The following CAMK1D variants were observed in gnomAD, a reference collection of about 807,000 sequenced individuals.
CAMK1D encodes the protein calcium/calmodulin-dependent protein kinase type 1D.
Under a neutral mutation model 47.7 loss-of-function variants are expected in CAMK1D, and 9 were observed. The observed-to-expected ratio is 0.19, with a 90% CI of 0.11 to 0.33. The LOEUF (loss-of-function observed/expected upper bound fraction) is 0.33. CAMK1D is among the 10% of genes least tolerant of loss of function. The pLI, the probability that CAMK1D is intolerant of heterozygous loss-of-function variation, is 1.00. For synonymous variants in CAMK1D, 184 were observed against 184.9 expected, an observed-to-expected ratio of 0.99 and a Z score of 0.04; for missense variants, 291 against 488.7, an observed-to-expected ratio of 0.60 and a Z score of 3.81.
chr10:12,402,232 G>A (rs1382933675), intron 1 of CAMK1D, among the ~76,000 whole-genome samples: 3 of 151,316 alleles, frequency 2.0e-5, no homozygotes, highest in East Asian at 2.0e-4. Flanking sequence ...ACGAGCCACC[G>A]CGCCTGACTG....
chr10:12,516,839 T>C (rs1304804995), intron 1 of CAMK1D, among the ~76,000 whole-genome samples: 2 of 152,260 alleles, frequency 1.3e-5, no homozygotes, highest in African/African-American at 4.8e-5. Context: ...CCACGTTGTT[T>C]TTCTTGTGGA....
At chr10:12,741,313 G>T (rs1420940121) in intron 3 of CAMK1D, among the ~76,000 whole-genome samples, 1 of 152,130 alleles carries the variant, frequency 6.6e-6, no homozygotes, top group African/African-American at 2.4e-5. Flanking sequence ...GTTACGAACC[G>T]CCGGGTTAGA....
Position 12,520,039 on chromosome 10 carries a change from C to G in CAMK1D, c.93-33186C>G, listed in dbSNP as rs571603079. On this transcript the variant is annotated intron_variant, in intron 1 of 10. Coordinates refer to ENST00000619168, the MANE Select transcript of CAMK1D (RefSeq NM_153498.4). Reference sequence around the variant, plus strand: ...CCGGGCAGAGGAGCCCCTCACCTCCCGGACGGGGCGGCTGGCCGGGTGGGG... The same window carrying G: ...CCGGGCAGAGGAGCCCCTCACCTCCGGGACGGGGCGGCTGGCCGGGTGGGG... Among the ~76,000 whole-genome samples the G allele has an allele frequency of 1.2e-3, 91 of 77,604 alleles. 11 individuals are homozygous for G. Among genetic ancestry groups the G allele is most frequent in the Non-Finnish European group, 2.3e-3 (85 of 37,130 alleles). 50.9% of individuals were successfully genotyped at this position (77,604 alleles called of 152,430 possible). A position where few individuals can be genotyped will look rare whatever the true frequency, so the allele number is the denominator to read the frequency against.
chr10:12,597,972 A>T (rs1045400260), intron 2 of CAMK1D, among the ~76,000 whole-genome samples: 1 of 151,726 alleles, frequency 6.6e-6, no homozygotes. Context: ...CCTGTGCTTG[A>T]TAAGGAAAAA....
At chr10:12,698,030 T>C (rs1833365349) in intron 3 of CAMK1D, among the ~76,000 whole-genome samples, 1 of 152,202 alleles carries the variant, frequency 6.6e-6, no homozygotes, top group Admixed American at 6.5e-5. Context: ...GGCCTTGGAA[T>C]GGCTGCCATT....
At chr10:12,760,800 T>C in intron 3 of CAMK1D, 148 bp from the exon 4 acceptor site, 1 of 796,466 alleles carries the variant, frequency 1.3e-6, no homozygotes, top group Non-Finnish European at 2.0e-6. Flanking sequence ...ATTTCCTGGC[T>C]ATAGCCTCTG....
intron 1 of CAMK1D, among the ~76,000 whole-genome samples, chr10:12,523,109 G>A (rs985867250): frequency 2.6e-5 from 4 of 151,408 alleles, no homozygotes; most frequent in South Asian, 2.1e-4. Context: ...CTTCTCAGAC[G>A]GGGCGGCTGG....
At chr10:12,570,051 G>A (rs1837274001) in intron 2 of CAMK1D, among the ~76,000 whole-genome samples, 3 of 151,786 alleles carry the variant, frequency 2.0e-5, no homozygotes, top group Admixed American at 2.0e-4. Flanking sequence ...AATACAAAAA[G>A]TAGCTGGATG....
chr10:12,664,567 A>AG (rs1209737055), intron 2 of CAMK1D, among the ~76,000 whole-genome samples: 1 of 152,238 alleles, frequency 6.6e-6, no homozygotes, highest in Non-Finnish European at 1.5e-5. Context: ...TCTGGGGCTC[A>AG]GACAGCCTTC....
intron 3 of CAMK1D, among the ~76,000 whole-genome samples, chr10:12,693,091 T>C (rs957038054): frequency 6.6e-6 from 1 of 152,122 alleles, no homozygotes; most frequent in African/African-American, 2.4e-5. Context: ...TAGCTGGGCT[T>C]GGTGGCTCAC....
intron 2 of CAMK1D, among the ~76,000 whole-genome samples, chr10:12,615,231 T>G (rs1838746498): frequency 6.6e-6 from 1 of 152,178 alleles, no homozygotes; most frequent in Admixed American, 6.5e-5. Context: ...GTCCCTCAGG[T>G]GATTGGGAGC....
At chr10:12,580,338 C>CTTTTTTT (rs5783277) in intron 2 of CAMK1D, among the ~76,000 whole-genome samples, 2 of 120,674 alleles carry the variant, frequency 1.7e-5, no homozygotes, top group African/African-American at 6.3e-5. Flanking sequence ...CCCTTCCTTC[C>CTTTTTTT]TTTTTTTTTT....
intron 2 of CAMK1D, among the ~76,000 whole-genome samples, chr10:12,577,563 C>T (rs770935683): frequency 2.6e-5 from 4 of 152,214 alleles, no homozygotes; most frequent in East Asian, 1.9e-4. Flanking sequence ...ATGGCTATTT[C>T]GGAATGATCA....
chr10:12,589,711 A>G (rs974973328), intron 2 of CAMK1D, among the ~76,000 whole-genome samples: 18 of 152,186 alleles, frequency 1.2e-4, no homozygotes, highest in Non-Finnish European at 2.6e-4. Flanking sequence ...GGCAGGGGGC[A>G]GCAGGAATTA....
Position 12,832,285 on chromosome 10 carries a change from TCA to T in CAMK1D, c.*3401_*3402del, listed in dbSNP as rs770222450. Reference sequence around the variant, plus strand: ...CAACAGGCCAGCAGCTTGGCCCTTTTCACAGAGGTGGCCTTGGAGTCTGGAGT... The same window carrying T: ...CAACAGGCCAGCAGCTTGGCCCTTTTCAGAGGTGGCCTTGGAGTCTGGAGT... On this transcript the variant is annotated 3_prime_UTR_variant, in exon 11 of 11. Transcript: ENST00000619168. 13 of 152,386 alleles carry T rather than the reference TCA, an allele frequency of 8.5e-5. No homozygotes were observed. In the East Asian group the frequency reaches 1.9e-3, roughly 23 times the overall value. The allele number at this position is 152,386 out of a possible 1,614,324, so 9.4% of individuals were successfully genotyped here.
At chr10:12,471,091 A>C (rs1833733222) in intron 1 of CAMK1D, among the ~76,000 whole-genome samples, 1 of 151,156 alleles carries the variant, frequency 6.6e-6, no homozygotes, top group South Asian at 2.1e-4. Context: ...GCTTTTTTCT[A>C]GTTCTACTTT....
intron 3 of CAMK1D, among the ~76,000 whole-genome samples, chr10:12,685,851 C>T (rs1832639317): frequency 6.6e-6 from 1 of 152,204 alleles, no homozygotes; most frequent in Admixed American, 6.5e-5. Flanking sequence ...ATTTTCGGCT[C>T]TTCGGGAAAG....
intron 1 of CAMK1D, among the ~76,000 whole-genome samples, chr10:12,380,788 G>A (rs564690959): frequency 5.9e-5 from 9 of 152,210 alleles, no homozygotes; most frequent in Admixed American, 4.6e-4. Flanking sequence ...CCCATGAGGC[G>A]GAGATTGCAG....
chr10:12,352,599 A>G (rs1364785620), intron 1 of CAMK1D, among the ~76,000 whole-genome samples: 3 of 151,804 alleles, frequency 2.0e-5, no homozygotes, highest in Non-Finnish European at 2.9e-5. Context: ...ACAGAGTGAG[A>G]CTCGGTCTCA....
Sources: allele counts gnomAD v4.1 joint callset (sites outside exome capture counted in the v4.1 genomes callset), GRCh38; gene constraint gnomAD v4.1.1; transcripts MANE v1.5; gene names NCBI Gene and HGNC (gene_info 2026-07-23, HGNC 2026-07-21).